GABRG3: variants seen among roughly 807,000 people sequenced by gnomAD.
GABRG3 encodes gamma-aminobutyric acid type A receptor subunit gamma3, also known as gamma-aminobutyric acid receptor subunit gamma-3.
In GABRG3, 25 loss-of-function variants were observed where a neutral mutation model predicts 48.8. The ratio of observed to expected loss-of-function variants is 0.51; its 90% CI spans 0.37 to 0.72. The LOEUF (loss-of-function observed/expected upper bound fraction) is 0.72. GABRG3 is among the 30% of genes least tolerant of loss of function. The pLI is 0.00. For missense variants in GABRG3, 394 were observed against 577.9 expected (o/e 0.68, Z 3.26); for synonymous variants, 227 against 217.6 (o/e 1.04, Z -0.38).
intron 3 of GABRG3, among the ~76,000 whole-genome samples, chr15:27,037,164 C>A (rs1024364724): frequency 6.6e-6 from 1 of 152,204 alleles, no homozygotes; most frequent in Non-Finnish European, 1.5e-5. Flanking sequence ...GCCCTGCTGA[C>A]ACCTTGATCT....
chr15:27,214,426 G>A (rs907558065), intron 3 of GABRG3, among the ~76,000 whole-genome samples: 5 of 152,122 alleles, frequency 3.3e-5, no homozygotes, highest in East Asian at 3.9e-4. Context: ...CAAGGTTTAC[G>A]GTTAAATACT....
chr15:27,175,445 G>C (rs543106263), intron 3 of GABRG3, among the ~76,000 whole-genome samples: 171 of 152,288 alleles, frequency 1.1e-3, no homozygotes, highest in Non-Finnish European at 2.0e-3. Context: ...TTGTTTGCTT[G>C]TTTCTAAATA....
chr15:27,067,340 C>T (rs983577962), intron 3 of GABRG3, among the ~76,000 whole-genome samples: 35 of 152,304 alleles, frequency 2.3e-4, no homozygotes, highest in African/African-American at 8.2e-4. Flanking sequence ...ATGGACTTTG[C>T]CTCACTCCCC....
At position 27,196,002 on chromosome 15, in the gene GABRG3, C is replaced by T. The variant is rs117355539; in HGVS notation, c.271-130807C>T. Among the ~76,000 whole-genome samples, 36 of 152,238 alleles carry T rather than the reference C, an allele frequency of 2.4e-4. No homozygotes were observed. In the East Asian group the frequency reaches 6.6e-3, roughly 28 times the overall value. Reference sequence around the variant, plus strand: ...TGAAGATTTGGGATATTATGAGACTCTGGATTCTGTATATACTTTTTTCAC... The same window carrying T: ...TGAAGATTTGGGATATTATGAGACTTTGGATTCTGTATATACTTTTTTCAC... On this transcript the variant is annotated intron_variant, in intron 3 of 9. Coordinates refer to ENST00000615808, the MANE Select transcript of GABRG3 (RefSeq NM_033223.5).
rs57670009 is a variant in GABRG3, at chr15:27,209,093, G to A, written c.271-117716G>A. On this transcript the variant is annotated intron_variant, in intron 3 of 9. Coordinates refer to ENST00000615808, the MANE Select transcript of GABRG3 (RefSeq NM_033223.5). ...CTGCTCAGGGCACACCCAGCTCACC[G>A]TGGCTGAAATGGAGATCTGTGTCTG... Among the ~76,000 whole-genome samples, 360 of 152,298 alleles carry A rather than the reference G, an allele frequency of 2.4e-3. 1 individual carries two copies. Among genetic ancestry groups the A allele is most frequent in the African/African-American group, 6.3e-3 (260 of 41,568 alleles).
intron 7 of GABRG3, among the ~76,000 whole-genome samples, chr15:27,524,257 A>G (rs1356788263): frequency 6.6e-6 from 1 of 152,116 alleles, no homozygotes; most frequent in Non-Finnish European, 1.5e-5. Context: ...ATAATAGTCA[A>G]CCCAGAATTC....
chr15:27,096,702 C>G (rs895852829), intron 3 of GABRG3, among the ~76,000 whole-genome samples: 2 of 152,140 alleles, frequency 1.3e-5, no homozygotes, highest in Admixed American at 6.5e-5. Flanking sequence ...CATACTGGGT[C>G]AGAAAAGGGA....
At chr15:27,388,230 G>GA (rs1566818053) in intron 5 of GABRG3, among the ~76,000 whole-genome samples, 7 of 44,178 alleles carry the variant, frequency 1.6e-4, no homozygotes, top group South Asian at 1.1e-3. Flanking sequence ...GGAAGGAAAG[G>GA]GAGGAGGGAG....
At chr15:27,151,818 G>A (rs1898321576) in intron 3 of GABRG3, among the ~76,000 whole-genome samples, 1 of 152,168 alleles carries the variant, frequency 6.6e-6, no homozygotes, top group Non-Finnish European at 1.5e-5. Context: ...CCTCCAGAAG[G>A]AGCACTGTCT....
At chr15:27,238,591 T>C (rs1890045417) in intron 3 of GABRG3, among the ~76,000 whole-genome samples, 1 of 152,214 alleles carries the variant, frequency 6.6e-6, no homozygotes. Flanking sequence ...GCCCCCAAAT[T>C]TCTATACAAA....
intron 5 of GABRG3, among the ~76,000 whole-genome samples, chr15:27,366,821 C>A (rs983964537): frequency 6.6e-6 from 1 of 152,196 alleles, no homozygotes; most frequent in African/African-American, 2.4e-5. Context: ...TGCCCATGTG[C>A]CCGTGTCCCC....
Position 27,420,964 on chromosome 15 carries a change from C to T in GABRG3, c.575-59686C>T, listed in dbSNP as rs183134635. Among the ~76,000 whole-genome samples, 35 of 152,314 alleles carry T rather than the reference C, an allele frequency of 2.3e-4. 1 individual carries two copies. In the East Asian group the frequency reaches 5.4e-3, roughly 23 times the overall value. On this transcript the variant is annotated intron_variant, in intron 5 of 9. Coordinates refer to ENST00000615808, the MANE Select transcript of GABRG3 (RefSeq NM_033223.5). ...TCACTCATTCAGAAAAGTTAAGGAG[C>T]CTTGTTTTGTGCCACTCGAATTTAA... is the stretch of plus-strand genomic sequence containing the variant.
At chr15:27,168,056 C>T (rs935164315) in intron 3 of GABRG3, among the ~76,000 whole-genome samples, 1 of 152,050 alleles carries the variant, frequency 6.6e-6, no homozygotes, top group Non-Finnish European at 1.5e-5. Context: ...AGGGGACCCC[C>T]CTTTTCTTTA....
At chr15:27,231,677 T>A (rs1046850977) in intron 3 of GABRG3, among the ~76,000 whole-genome samples, 1 of 152,220 alleles carries the variant, frequency 6.6e-6, no homozygotes, top group Admixed American at 6.5e-5. Context: ...ATCCTGGCTG[T>A]GGAATTGAAA....
At chr15:27,357,732 C>G (rs1281718438) in intron 5 of GABRG3, among the ~76,000 whole-genome samples, 1 of 152,144 alleles carries the variant, frequency 6.6e-6, no homozygotes, top group Non-Finnish European at 1.5e-5. Context: ...AGGAAATTTA[C>G]CCTGAGCTGG....
intron 3 of GABRG3, among the ~76,000 whole-genome samples, chr15:27,252,282 A>G (rs1890482707): frequency 6.6e-6 from 1 of 152,156 alleles, no homozygotes; most frequent in South Asian, 2.1e-4. Flanking sequence ...GAGGAGTTGC[A>G]GTCAGAACTG....
chr15:27,184,402 G>T (rs1888028646), intron 3 of GABRG3, among the ~76,000 whole-genome samples: 1 of 152,090 alleles, frequency 6.6e-6, no homozygotes, highest in African/African-American at 2.4e-5. Flanking sequence ...TCCTGTATCT[G>T]GATTCTTCTC....
intron 3 of GABRG3, among the ~76,000 whole-genome samples, chr15:27,033,717 T>C: frequency 6.6e-6 from 1 of 152,212 alleles, no homozygotes; most frequent in Admixed American, 6.5e-5. Context: ...TATGTGGTTT[T>C]AATATTATTT....
intron 5 of GABRG3, among the ~76,000 whole-genome samples, chr15:27,342,152 G>C (rs569771100): frequency 2.2e-4 from 34 of 152,320 alleles, no homozygotes; most frequent in African/African-American, 8.2e-4. Flanking sequence ...CACAGGCCCA[G>C]CGCCAAGCAG....
Sources: allele counts gnomAD v4.1 joint callset (sites outside exome capture counted in the v4.1 genomes callset), GRCh38; gene constraint gnomAD v4.1.1; transcripts MANE v1.5; gene names NCBI Gene and HGNC (gene_info 2026-07-23, HGNC 2026-07-21).